The following CNTN1 variants were observed in gnomAD, a reference collection of about 807,000 sequenced individuals.
The protein encoded by CNTN1 is contactin 1, also known as contactin-1.
Under a neutral mutation model 126.4 loss-of-function variants are expected in CNTN1, and 38 were observed. The observed-to-expected ratio is 0.30, with a 90% CI of 0.23 to 0.39. CNTN1 has a LOEUF of 0.39. Among genes scored for constraint, CNTN1 ranks in the 10% least tolerant of loss-of-function variants. The probability of loss-of-function intolerance (pLI) is 1.00; values close to 1 mark genes in which losing one functional copy is unlikely to be tolerated. For synonymous variants in CNTN1, 413 were observed against 422.6 expected (o/e 0.98, Z 0.28); for missense variants, 1,009 against 1,248.4 (o/e 0.81, Z 2.89).
chr12:40,719,093 T>G (rs1011162787), intron 1 of CNTN1, among the ~76,000 whole-genome samples: 1 of 152,172 alleles, frequency 6.6e-6, no homozygotes. Flanking sequence ...ACTGAACAAC[T>G]GAAGTTAATC....
rs534888268 is a variant in CNTN1 at position 40,937,885 on chromosome 12, A to G, written c.1228+198A>G. Among the ~76,000 whole-genome samples the G allele has an allele frequency of 2.0e-5, 3 of 152,320 alleles. No individual in the cohort carries two copies. In the East Asian group the frequency reaches 5.8e-4, roughly 29 times the overall value. ...TGGAATAGAATGAATCTTTGCCACA[A>G]CAAAAGTCTTCTTCAGAGCATCAGC... On this transcript the variant is annotated intron_variant, in intron 11 of 23. Transcript: ENST00000551295.
At chr12:40,878,061 G>A (rs1431286980) in intron 1 of CNTN1, among the ~76,000 whole-genome samples, 11 of 134,180 alleles carry the variant, frequency 8.2e-5, no homozygotes, top group South Asian at 2.3e-4. Context: ...GCAATGGCAC[G>A]ATCTTGGCTC....
intron 12 of CNTN1, among the ~76,000 whole-genome samples, chr12:40,940,861 T>C (rs538443739): frequency 6.6e-5 from 10 of 152,300 alleles, no homozygotes; most frequent in Non-Finnish European, 1.2e-4. Context: ...CGCTGAAACA[T>C]TAATGGTCAG....
At chr12:40,875,536 T>A (rs1474796063) in intron 1 of CNTN1, among the ~76,000 whole-genome samples, 1 of 152,122 alleles carries the variant, frequency 6.6e-6, no homozygotes, top group African/African-American at 2.4e-5. Flanking sequence ...TACTATATAA[T>A]GGAATTCCAT....
intron 1 of CNTN1, among the ~76,000 whole-genome samples, chr12:40,813,530 C>A (rs542060356): frequency 2.0e-5 from 3 of 152,168 alleles, no homozygotes; most frequent in African/African-American, 4.8e-5. Flanking sequence ...GATCTCATTC[C>A]TTTTTATGTC....
At chr12:40,872,212 T>TGTGTGTGTG (rs1943525526) in intron 1 of CNTN1, among the ~76,000 whole-genome samples, 7 of 113,596 alleles carry the variant, frequency 6.2e-5, no homozygotes, top group African/African-American at 1.8e-4. Flanking sequence ...GTTGCTTTGT[T>TGTGTGTGTG]TGTGTGTGTG....
intron 1 of CNTN1, among the ~76,000 whole-genome samples, chr12:40,888,384 G>A (rs1488334730): frequency 2.0e-5 from 3 of 151,962 alleles, no homozygotes; most frequent in Non-Finnish European, 2.9e-5. Context: ...ATTTTTCATA[G>A]AGAAATGTTA....
chr12:41,056,983 AT>A (rs1472369434), intron 23 of CNTN1, among the ~76,000 whole-genome samples: 4 of 101,572 alleles, frequency 3.9e-5, no homozygotes, highest in East Asian at 2.5e-4. Flanking sequence ...ATATTTAGAT[AT>A]TTATAAATAT....
intron 1 of CNTN1, among the ~76,000 whole-genome samples, chr12:40,830,757 CTATA>C (rs1309122956): frequency 1.7e-4 from 22 of 126,552 alleles, no homozygotes; most frequent in Non-Finnish European, 3.3e-4. Flanking sequence ...AGAAATCTCT[CTATA>C]TATATTGAGA....
chr12:40,997,960 C>T (rs1387940444), intron 17 of CNTN1, among the ~76,000 whole-genome samples: 1 of 151,780 alleles, frequency 6.6e-6, no homozygotes, highest in East Asian at 1.9e-4. Flanking sequence ...TAGTGCTTCA[C>T]ACAACACAAT....
intron 14 of CNTN1, among the ~76,000 whole-genome samples, chr12:40,950,244 A>C (rs1946621883): frequency 6.6e-6 from 1 of 152,058 alleles, no homozygotes; most frequent in South Asian, 2.1e-4. Flanking sequence ...AAGCTTGAGA[A>C]ACGTCCTCAA....
chr12:40,929,243 C>A (rs761924906), intron 6 of CNTN1, among the ~76,000 whole-genome samples: 1 of 151,762 alleles, frequency 6.6e-6, no homozygotes, highest in Non-Finnish European at 1.5e-5. Context: ...TTTAATTAAA[C>A]CAGTACCATA....
At chr12:40,816,009 C>A (rs1207907208) in intron 1 of CNTN1, among the ~76,000 whole-genome samples, 7 of 152,154 alleles carry the variant, frequency 4.6e-5, no homozygotes, top group African/African-American at 1.7e-4. Flanking sequence ...CTGACTTGGT[C>A]ATGGTGGATA....
chr12:40,969,623 A>T (rs1947431600), intron 15 of CNTN1, among the ~76,000 whole-genome samples: 2 of 152,154 alleles, frequency 1.3e-5, no homozygotes, highest in African/African-American at 4.8e-5. Flanking sequence ...AAAGCACAAC[A>T]CTATTTTAAT....
intron 1 of CNTN1, among the ~76,000 whole-genome samples, chr12:40,748,772 A>G (rs1938282423): frequency 6.6e-6 from 1 of 152,066 alleles, no homozygotes; most frequent in African/African-American, 2.4e-5. Flanking sequence ...TGATTTGTCT[A>G]TGACAGACCT....
chr12:40,849,764 ATT>A (rs2136612443), intron 1 of CNTN1, among the ~76,000 whole-genome samples: 1 of 152,176 alleles, frequency 6.6e-6, no homozygotes, highest in South Asian at 2.1e-4. Context: ...AGGATTTTCA[ATT>A]TCTCAGCATG....
chr12:40,804,849 CT>C (rs1016288105), intron 1 of CNTN1, among the ~76,000 whole-genome samples: 3 of 151,272 alleles, frequency 2.0e-5, no homozygotes, highest in African/African-American at 4.8e-5. Flanking sequence ...TTATCTCAGT[CT>C]TTTTTTTCTT....
chr12:40,720,303 G>A (rs1037218339), intron 1 of CNTN1, among the ~76,000 whole-genome samples: 18 of 151,906 alleles, frequency 1.2e-4, no homozygotes, highest in African/African-American at 4.1e-4. Flanking sequence ...GGTCTCTTCG[G>A]TTCTAGTTTT....
chr12:40,991,147 A>G (rs1289339000), intron 16 of CNTN1, among the ~76,000 whole-genome samples: 1 of 152,116 alleles, frequency 6.6e-6, no homozygotes, highest in Non-Finnish European at 1.5e-5. Context: ...ATCCTCTCCA[A>G]AGGCTCCATT....
Sources: gnomAD v4.1 joint callset for allele counts (sites outside exome capture counted in the v4.1 genomes callset) on GRCh38, gnomAD v4.1.1 for gene constraint, MANE v1.5 for transcripts, NCBI Gene and HGNC (gene_info 2026-07-23, HGNC 2026-07-21) for gene names.